The following AKR1B10 variants were observed in gnomAD, a reference collection of about 807,000 sequenced individuals.
The protein encoded by AKR1B10 is aldo-keto reductase family 1 member B10.
Under a neutral mutation model 38.9 loss-of-function variants are expected in AKR1B10, and 39 were observed. The ratio of observed to expected loss-of-function variants is 1.00; its 90% CI spans 0.78 to 1.31. AKR1B10 has a LOEUF of 1.31. AKR1B10 is among the 50% of genes most tolerant of loss of function. The probability of loss-of-function intolerance (pLI) is 0.00; values close to 1 mark genes in which losing one functional copy is unlikely to be tolerated. For synonymous variants in AKR1B10, 148 were observed against 141.2 expected, an observed-to-expected ratio of 1.05 and a Z score of -0.34; for missense variants, 361 against 382.6, an observed-to-expected ratio of 0.94 and a Z score of 0.47.
At chr7:134,536,064 T>C (rs1807992946) in intron 4 of AKR1B10, among the ~76,000 whole-genome samples, 1 of 152,216 alleles carries the variant, frequency 6.6e-6, no homozygotes, top group South Asian at 2.1e-4. Flanking sequence ...CACAACTCCA[T>C]GGCCGGGTGC....
chr7:134,539,356 T>C (rs1038519243), intron 9 of AKR1B10, among the ~76,000 whole-genome samples: 53 of 152,280 alleles, frequency 3.5e-4, no homozygotes, highest in Middle Eastern at 3.4e-3. Context: ...GTTATCATAC[T>C]GTACAAAGTT....
At chr7:134,536,838 T>A (rs1368699380) in intron 5 of AKR1B10, 66 bp downstream of exon 5, 12 of 1,602,686 alleles carry the variant, frequency 7.5e-6, no homozygotes, top group Non-Finnish European at 8.5e-6. Context: ...GCGGGAGGAA[T>A]GTTCAATGCT....
intron 8 of AKR1B10, among the ~76,000 whole-genome samples, chr7:134,538,487 A>G (rs577564763): frequency 6.6e-6 from 1 of 152,258 alleles, no homozygotes; most frequent in Admixed American, 6.5e-5. Context: ...TGCCTGGTAA[A>G]GCCCTATCAG....
At chr7:134,539,813 T>C (rs1011457826) in intron 9 of AKR1B10, among the ~76,000 whole-genome samples, 4 of 152,218 alleles carry the variant, frequency 2.6e-5, no homozygotes, top group Admixed American at 6.5e-5. Flanking sequence ...TTCTGAATAA[T>C]GTATCTAATT....
Position 134,535,608 on chromosome 7 carries a change from T to TG in AKR1B10, c.430-1042_430-1041insG, listed in dbSNP as rs1554396830. 1.1e-3 allele frequency: 980 copies of TG among 881,142 alleles called. 19 individuals carry two copies. In the Admixed American group the frequency reaches 0.077, roughly 69 times the overall value. 54.6% of individuals were successfully genotyped at this position (881,142 alleles called of 1,614,324 possible). The stretch of plus-strand genomic sequence containing the variant: ...GTCTTTTTTTTTTTTTTTTTTTTTT[T>TG]CTTTTGAGGCCCAGCTTATACTCTA... On this transcript the variant is annotated intron_variant, in intron 4 of 9. Transcript: ENST00000359579.
At chr7:134,528,077 G>C in intron 1 of AKR1B10, 100 bp downstream of exon 1, 1 of 1,460,830 alleles carries the variant, frequency 6.8e-7, no homozygotes, top group Non-Finnish European at 9.4e-7. Flanking sequence ...TCGGGCAGGG[G>C]TTGGAGAGGT....
chr7:134,536,969 C>T (rs1808027774), intron 5 of AKR1B10, 82 bp from the exon 6 acceptor site: 1 of 1,565,886 alleles, frequency 6.4e-7, no homozygotes, highest in South Asian at 1.2e-5. Context: ...GCTTGGTGGA[C>T]TTTTTTTGTG....
chr7:134,532,863 T>A, intron 3 of AKR1B10, 141 bp from the exon 4 acceptor site: 5 of 631,914 alleles, frequency 7.9e-6, no homozygotes, highest in East Asian at 3.2e-5. Context: ...TAAACTCACA[T>A]TCCTAAAGTA....
intron 5 of AKR1B10, 53 bp downstream of exon 5, chr7:134,536,825 A>G: frequency 6.2e-7 from 1 of 1,608,302 alleles, no homozygotes; most frequent in East Asian, 2.2e-5. Flanking sequence ...CTTCTTAAAC[A>G]TTGCGGGAGG....
chr7:134,529,512 C>T (rs187571167), intron 1 of AKR1B10, among the ~76,000 whole-genome samples: 165 of 152,260 alleles, frequency 1.1e-3, no homozygotes, highest in Non-Finnish European at 1.9e-3. Flanking sequence ...GGATTATGAA[C>T]TTAGCAGTGG....
At chr7:134,531,361 G>T (rs1016036148) in intron 2 of AKR1B10, among the ~76,000 whole-genome samples, 10 of 152,078 alleles carry the variant, frequency 6.6e-5, no homozygotes, top group African/African-American at 2.4e-4. Flanking sequence ...TACATAACTT[G>T]CTGAAAAAAA....
intron 4 of AKR1B10, chr7:134,535,595 T>A: frequency 1.1e-6 from 1 of 926,432 alleles, no homozygotes; most frequent in African/African-American, 1.9e-5. Context: ...CTTTTTTTTT[T>A]TTTTTTTTTT....
intron 4 of AKR1B10, among the ~76,000 whole-genome samples, chr7:134,533,926 G>A (rs893196995): frequency 1.3e-5 from 2 of 152,164 alleles, no homozygotes; most frequent in African/African-American, 2.4e-5. Flanking sequence ...AGTGGCTTAT[G>A]ACTCCAAGAG....
intron 4 of AKR1B10, among the ~76,000 whole-genome samples, chr7:134,533,294 G>C (rs1375760928): frequency 1.3e-5 from 2 of 152,134 alleles, no homozygotes; most frequent in African/African-American, 2.4e-5. Flanking sequence ...AATAAGACTG[G>C]AAATACAATG....
intron 4 of AKR1B10, among the ~76,000 whole-genome samples, chr7:134,534,437 G>T (rs1397447556): frequency 6.6e-6 from 1 of 152,118 alleles, no homozygotes; most frequent in Non-Finnish European, 1.5e-5. Context: ...CATTACATAT[G>T]ATAAGATTTT....
intron 7 of AKR1B10, 34 bp downstream of exon 7, chr7:134,537,695 A>G: frequency 1.2e-6 from 2 of 1,609,414 alleles, no homozygotes; most frequent in Non-Finnish European, 1.7e-6. Context: ...TTATCCAACA[A>G]CTCATTCTTC....
intron 4 of AKR1B10, among the ~76,000 whole-genome samples, chr7:134,536,227 T>G (rs975626528): frequency 2.0e-5 from 3 of 152,268 alleles, no homozygotes; most frequent in African/African-American, 7.2e-5. Context: ...GGGTGTGCAA[T>G]GCACACACAC....
In AKR1B10 at chr7:134,541,317, C is replaced by T. The variant is rs1196989681; in HGVS notation, c.*228C>T. On this transcript the variant is annotated 3_prime_UTR_variant, in exon 10 of 10. Transcript: ENST00000359579. ...TGAATAAGGAAATGACAATTTTTTC[C>T]ACTTATCTGATCAGAACAAATGTTT... The T allele has an allele frequency of 6.3e-6, 3 of 476,132 alleles. No homozygotes were observed. Among genetic ancestry groups the T allele is most frequent in the Non-Finnish European group, 7.4e-6 (2 of 269,158 alleles). The allele number at this position is 476,132 out of a possible 1,614,324, so 29.5% of individuals were successfully genotyped here.
intron 1 of AKR1B10, among the ~76,000 whole-genome samples, chr7:134,528,726 CAAGA>C (rs1807765196): frequency 6.9e-6 from 1 of 145,132 alleles, no homozygotes; most frequent in Admixed American, 6.6e-5. Flanking sequence ...TCCAAGAAAG[CAAGA>C]AAGAGAGAAA....
Sources: gnomAD v4.1 joint callset for allele counts (sites outside exome capture counted in the v4.1 genomes callset) on GRCh38, gnomAD v4.1.1 for gene constraint, MANE v1.5 for transcripts, NCBI Gene and HGNC (gene_info 2026-07-23, HGNC 2026-07-21) for gene names.